The following TOP1 variants were observed in gnomAD, a reference collection of about 807,000 sequenced individuals.
TOP1 encodes the protein DNA topoisomerase 1.
Under a neutral mutation model 111.1 loss-of-function variants are expected in TOP1, and 10 were observed. The ratio of observed to expected loss-of-function variants is 0.09; its 90% confidence interval spans 0.06 to 0.15. The LOEUF is 0.15. TOP1 is among the 10% of genes least tolerant of loss of function. The pLI is 1.00. For missense variants in TOP1, 474 were observed against 926.7 expected (o/e 0.51, Z 6.34); for synonymous variants, 271 against 302.9 (o/e 0.89, Z 1.10).
intron 3 of TOP1, chr20:41,073,322 T>C: frequency 1.0e-6 from 1 of 984,252 alleles, no homozygotes; most frequent in South Asian, 4.7e-5. Context: ...GATGGAGTGT[T>C]CCTGAATTCA....
chr20:41,084,598 A>G (rs2033826336), intron 8 of TOP1, 30 bp downstream of exon 8: 1 of 1,317,926 alleles, frequency 7.6e-7, no homozygotes, highest in African/African-American at 1.5e-5. Context: ...TTAAAATGCC[A>G]CCTTTTTTAT....
intron 3 of TOP1, among the ~76,000 whole-genome samples, chr20:41,062,824 A>T (rs2033561583): frequency 6.6e-6 from 1 of 152,222 alleles, no homozygotes; most frequent in Non-Finnish European, 1.5e-5. Flanking sequence ...ATAATTAAGG[A>T]TATGGAAGAC....
rs2036020527 is a variant in TOP1, at chr20:41,098,516, T to A, written c.975+179T>A. ...AAGGTTTTAGTTAGACTGAAAATTG[T>A]GAACAAGTACTTTGCTCAGTAGCTC... On this transcript the variant is annotated intron_variant, in intron 11 of 20. Transcript: ENST00000361337. This position sits in a 1 kb window ranked among gnomAD's most constrained non-coding sequence, Gnocchi z 5.7. The A allele has an allele frequency of 1.5e-6, 1 of 668,128 alleles. No individual in the cohort carries two copies. The highest frequency in any genetic ancestry group is 3.3e-5 in the Admixed American group (1 of 30,238). The allele number at this position is 668,128 out of a possible 1,614,324, so 41.4% of individuals were successfully genotyped here.
rs573466164 is a variant in TOP1 at position 41,049,834 on chromosome 20, ATTTT to A, written c.59-11553_59-11550del. Among the ~76,000 whole-genome samples the A allele has an allele frequency of 3.5e-4, 53 of 150,330 alleles. 1 individual carries two copies. The East Asian group carries it at 8.6e-3, about 24-fold the overall frequency. ...TTGTCTGCCATCTTCTTAGCTAGAG[ATTTT>A]TTTTTTGTTTGTTTTGTTAGCTTTC... On this transcript the variant is annotated intron_variant, in intron 2 of 20. Transcript: ENST00000361337.
chr20:41,065,668 T>C (rs908935802), intron 3 of TOP1, among the ~76,000 whole-genome samples: 2 of 152,254 alleles, frequency 1.3e-5, no homozygotes, highest in African/African-American at 4.8e-5. Flanking sequence ...ATATTTATCT[T>C]TTTTAAATCT....
Position 41,100,929 on chromosome 20 carries a change from C to T in TOP1, c.1164-280C>T, listed in dbSNP as rs548219034. The T allele has an allele frequency of 2.5e-5, 10 of 403,946 alleles. No individual in the cohort carries two copies. In the East Asian group the frequency reaches 2.6e-4, roughly 11 times the overall value. 25.0% of individuals were successfully genotyped at this position (403,946 alleles called of 1,614,324 possible). A position where few individuals can be genotyped will look rare whatever the true frequency, so the allele number is the denominator to read the frequency against. ...CATGGTATGTTGTATATATGGTTCACGCATCCCAGGTGGGACTACAAGAGA... is the reference window on the plus strand; with the variant it reads ...CATGGTATGTTGTATATATGGTTCATGCATCCCAGGTGGGACTACAAGAGA... On this transcript the variant is annotated intron_variant, in intron 12 of 20. Coordinates refer to ENST00000361337, the MANE Select transcript of TOP1 (RefSeq NM_003286.4). This position sits in a 1 kb window ranked among gnomAD's most constrained non-coding sequence, Gnocchi z 4.4.
At chr20:41,084,676 C>A (rs1401499907) in intron 8 of TOP1, 108 bp downstream of exon 8, 7 of 649,832 alleles carry the variant, frequency 1.1e-5, no homozygotes, top group Non-Finnish European at 1.5e-5. Flanking sequence ...GGGGGAAATA[C>A]TTTAAACAAT....
Position 41,118,301 on chromosome 20 carries a change from C to T in TOP1, c.1950+5C>T. 6.2e-7 allele frequency: 1 copy of T among 1,613,864 alleles called. No individual in the cohort carries two copies. Among genetic ancestry groups the T allele is most frequent in the South Asian group, 1.1e-5 (1 of 91,076 alleles). ...ATGATGAACTTGCAAACTAAGGTAT[C>T]TTGGATAAAATGAAGGGAACTGTGT... On this transcript the variant is annotated splice_donor_5th_base_variant and intron_variant, in intron 18 of 20. Coordinates refer to ENST00000361337, the MANE Select transcript of TOP1 (RefSeq NM_003286.4). The surrounding 1 kb of genome is among the most constrained non-coding windows in gnomAD (Gnocchi z 4.6).
In TOP1 at chr20:41,071,350, A is replaced by AT. The variant is rs578091543; in HGVS notation, c.156-4808dup. 0.011 allele frequency among the ~76,000 whole-genome samples: 1,586 copies of AT among 146,528 alleles called. 23 individuals carry two copies. The highest frequency in any genetic ancestry group is 0.033 in the African/African-American group (1,336 of 40,220). ...TTATTTTTTTCTTTCCTTTTTTTAAATTTTTTTTTTTTTGAGATGGAGCCT... is the reference window on the plus strand; with the variant it reads ...TTATTTTTTTCTTTCCTTTTTTTAAATTTTTTTTTTTTTTGAGATGGAGCCT... On this transcript the variant is annotated intron_variant, in intron 3 of 20. Coordinates refer to ENST00000361337, the MANE Select transcript of TOP1 (RefSeq NM_003286.4). This position sits in a 1 kb window ranked among gnomAD's most constrained non-coding sequence, Gnocchi z 4.3.
chr20:41,063,751 C>T (rs895704899), intron 3 of TOP1, among the ~76,000 whole-genome samples: 2 of 151,638 alleles, frequency 1.3e-5, no homozygotes, highest in Non-Finnish European at 2.9e-5. Context: ...TGAGAAATGT[C>T]TGTTCATGTC....
In TOP1 at chr20:41,082,421, A is replaced by G. The variant is rs1206717899; in HGVS notation, c.507+1181A>G. Among the ~76,000 whole-genome samples, 1 of 152,182 alleles carries G rather than the reference A, an allele frequency of 6.6e-6. No homozygotes were observed. The highest frequency in any genetic ancestry group is 1.5e-5 in the Non-Finnish European group (1 of 68,028). On this transcript the variant is annotated intron_variant, in intron 7 of 20. Coordinates refer to ENST00000361337, the MANE Select transcript of TOP1 (RefSeq NM_003286.4). This position sits in a 1 kb window ranked among gnomAD's most constrained non-coding sequence, Gnocchi z 4.1. ...AGATGCAGAAATAGAGTATAGAAAT[A>G]TTTAATCATTTGCCTGAGGTCACAT...
Position 41,029,102 on chromosome 20 carries a change from T to C in TOP1, c.33+2T>C, listed in dbSNP as rs1172373055. 5 of 1,525,622 alleles carry C rather than the reference T, an allele frequency of 3.3e-6. No homozygotes were observed. Among genetic ancestry groups the C allele is most frequent in the South Asian group, 2.4e-5 (2 of 82,740 alleles). The allele number at this position is 1,525,622 out of a possible 1,614,324, so 94.5% of individuals were successfully genotyped here. A position where few individuals can be genotyped will look rare whatever the true frequency, so the allele number is the denominator to read the frequency against. ...GACCACCTCCACAACGATTCCCAGG[T>C]ACGGCCCGGCCTGACCCTGGCGGCC... On this transcript the variant is annotated splice_donor_variant, in intron 1 of 20. Transcript: ENST00000361337. LOFTEE classifies it high-confidence loss of function. The surrounding 1 kb of genome is among the most constrained non-coding windows in gnomAD (Gnocchi z 6.1).
rs2145965903 is a variant in TOP1, at chr20:41,114,080, G to A, written c.1563G>A (p.Gln521=). The change falls in exon 15 of 21, where the codon CAG becomes CAA. Residue 521 remains glutamine, a synonymous_variant. Coordinates refer to ENST00000361337, the MANE Select transcript of TOP1 (RefSeq NM_003286.4). The surrounding 1 kb of genome is among the most constrained non-coding windows in gnomAD (Gnocchi z 4.5). ...ATCTACACCCAGAGTTGGATGGTCA[G>A]GAATATGTGGTAGAGTTTGACTTCC... ...HINLHPELDG[Q]EYVVEFDFLG... The A allele has an allele frequency of 6.2e-7, 1 of 1,614,190 alleles. No individual in the cohort carries two copies. The highest frequency in any genetic ancestry group is 1.1e-5 in the South Asian group (1 of 91,086).
chr20:41,096,091 C>T (rs971968318), intron 9 of TOP1, among the ~76,000 whole-genome samples: 11 of 152,056 alleles, frequency 7.2e-5, no homozygotes, highest in African/African-American at 2.4e-4. Flanking sequence ...TTATTTGAGA[C>T]AGTCTCAGTC....
At chr20:41,048,252 C>T (rs1314191886) in intron 2 of TOP1, among the ~76,000 whole-genome samples, 1 of 152,098 alleles carries the variant, frequency 6.6e-6, no homozygotes, top group Non-Finnish European at 1.5e-5. Context: ...TCAGAAGACT[C>T]AGGAATAAGA....
At chr20:41,038,666 T>G (rs1342621407) in intron 2 of TOP1, among the ~76,000 whole-genome samples, 1 of 152,150 alleles carries the variant, frequency 6.6e-6, no homozygotes, top group African/African-American at 2.4e-5. Flanking sequence ...CCACTTTGTT[T>G]GTTTCTCATA....
rs546930274 is a variant in TOP1, at chr20:41,094,377, C to G, written c.730+1790C>G. ...GCACCATCTCAAAGCGTAGGTATTC[C>G]GTAGGCCTGGTCTGGACTTACCAAG... On this transcript the variant is annotated intron_variant, in intron 9 of 20. Coordinates refer to ENST00000361337, the MANE Select transcript of TOP1 (RefSeq NM_003286.4). The surrounding 1 kb of genome is among the most constrained non-coding windows in gnomAD (Gnocchi z 4.4). 1.3e-5 allele frequency among the ~76,000 whole-genome samples: 2 copies of G among 152,140 alleles called. No homozygotes were observed. The highest frequency in any genetic ancestry group is 2.9e-5 in the Non-Finnish European group (2 of 68,036).
chr20:41,038,467 A>G (rs1414388782), intron 2 of TOP1, among the ~76,000 whole-genome samples: 2 of 152,184 alleles, frequency 1.3e-5, no homozygotes, highest in East Asian at 1.9e-4. Flanking sequence ...CAAAGGGAAC[A>G]TCTTTACTTT....
At position 41,115,456 on chromosome 20, in the gene TOP1, C is replaced by G. The variant is rs375927139; in HGVS notation, c.1707+17C>G. 6.2e-7 allele frequency: 1 copy of G among 1,602,658 alleles called. No individual in the cohort carries two copies. The highest frequency in any genetic ancestry group is 8.5e-7 in the Non-Finnish European group (1 of 1,170,044). On this transcript the variant is annotated intron_variant, in intron 16 of 20. Transcript: ENST00000361337. This position sits in a 1 kb window ranked among gnomAD's most constrained non-coding sequence, Gnocchi z 6.3. Reference sequence around the variant, plus strand: ...AGACTCAATGTGAGTAGATGAAGCACACAATGTTGAAGGGAGTCCCAGCCA... The same window carrying G: ...AGACTCAATGTGAGTAGATGAAGCAGACAATGTTGAAGGGAGTCCCAGCCA...
Sources: gnomAD v4.1 joint callset for allele counts (sites outside exome capture counted in the v4.1 genomes callset) on GRCh38, gnomAD v4.1.1 for gene constraint, Gnocchi (gnomAD v3.1) non-coding constraint, MANE v1.5 for transcripts, NCBI Gene and HGNC (gene_info 2026-07-23, HGNC 2026-07-21) for gene names.